The following ADAMTS19 variants were observed in gnomAD, a reference collection of about 807,000 sequenced individuals.
The protein encoded by ADAMTS19 is A disintegrin and metalloproteinase with thrombospondin motifs 19.
ADAMTS19 carries 93 observed loss-of-function variants against 153.3 expected under a neutral mutation model. The observed-to-expected ratio is 0.61, with a 90% confidence interval of 0.51 to 0.72. The LOEUF (loss-of-function observed/expected upper bound fraction) is 0.72. Ranked by LOEUF, ADAMTS19 falls within the 30% of genes least tolerant of loss-of-function variation. The pLI, the probability that ADAMTS19 is intolerant of heterozygous loss-of-function variation, is 0.00. For synonymous variants in ADAMTS19, 600 were observed against 556.6 expected, an observed-to-expected ratio of 1.08 and a Z score of -1.10; for missense variants, 1,482 against 1,552.1, an observed-to-expected ratio of 0.95 and a Z score of 0.76.
intron 16 of ADAMTS19, among the ~76,000 whole-genome samples, chr5:129,676,879 G>A (rs935610726): frequency 4.6e-5 from 7 of 152,134 alleles, no homozygotes; most frequent in African/African-American, 1.7e-4. Flanking sequence ...AATACCAATT[G>A]AATCTAAATG....
At chr5:129,468,447 G>A (rs530456805) in intron 2 of ADAMTS19, among the ~76,000 whole-genome samples, 20 of 152,214 alleles carry the variant, frequency 1.3e-4, no homozygotes, top group African/African-American at 4.1e-4. Context: ...TCTGCCTCCC[G>A]GGTTCAAGCA....
intron 21 of ADAMTS19, among the ~76,000 whole-genome samples, chr5:129,710,312 T>C (rs1756384821): frequency 6.6e-6 from 1 of 152,232 alleles, no homozygotes; most frequent in Non-Finnish European, 1.5e-5. Context: ...TCATTCCTTT[T>C]TATGGCTGCA....
In ADAMTS19 at chr5:129,461,110, T is replaced by G; in HGVS notation, c.100T>G (p.Phe34Val). Residue 34 changes from phenylalanine (F) to valine (V), a missense_variant, in exon 2 of 23, where the codon TTC becomes GTC. Coordinates refer to ENST00000274487, the MANE Select transcript of ADAMTS19 (RefSeq NM_133638.6). The surrounding 1 kb of genome is among the most constrained non-coding windows in gnomAD (Gnocchi z 4.6). ...GTCTGCCCCGCCCGCAGAGCTGCAGTTCGCCCCCGACCGCGAGGAGTGGGA... is the reference window on the plus strand; with the variant it reads ...GTCTGCCCCGCCCGCAGAGCTGCAGGTCGCCCCCGACCGCGAGGAGTGGGA... ...LSNGIVSELQFAPDREEWEVV... is the reference protein window; with the variant it reads ...LSNGIVSELQVAPDREEWEVV... 1 of 1,416,638 alleles carries G rather than the reference T, an allele frequency of 7.1e-7. No homozygotes were observed. Among genetic ancestry groups the G allele is most frequent in the South Asian group, 1.5e-5 (1 of 66,822 alleles). The allele number at this position is 1,416,638 out of a possible 1,614,324, so 87.8% of individuals were successfully genotyped here. A position where few individuals can be genotyped will look rare whatever the true frequency, so the allele number is the denominator to read the frequency against.
chr5:129,562,131 AAT>A (rs1191115869), intron 7 of ADAMTS19, among the ~76,000 whole-genome samples: 1 of 152,180 alleles, frequency 6.6e-6, no homozygotes, highest in Admixed American at 6.5e-5. Context: ...TCAGTGAAAA[AAT>A]GATGCTTCAT....
chr5:129,526,354 T>A lies in ADAMTS19; in HGVS notation c.984T>A (p.Pro328=). ...GGAAACGATATTCATACAAATTACC[T>A]CAAGAATACAACATAGAGACTGTAG... ...GRGKRYSYKL[P]QEYNIETVVV... is the part of the protein sequence containing the mutation. The change falls in exon 4 of 23, where the codon CCT becomes CCA. Residue 328 remains proline, a synonymous_variant. Coordinates refer to ENST00000274487, the MANE Select transcript of ADAMTS19 (RefSeq NM_133638.6). 2 of 1,601,964 alleles carry A rather than the reference T, an allele frequency of 1.2e-6. No homozygotes were observed. The highest frequency in any genetic ancestry group is 2.2e-5 in the South Asian group (2 of 89,140).
At chr5:129,531,540 G>C (rs562015157) in intron 6 of ADAMTS19, among the ~76,000 whole-genome samples, 7 of 152,110 alleles carry the variant, frequency 4.6e-5, no homozygotes, top group Non-Finnish European at 1.0e-4. Flanking sequence ...CACGAGAATT[G>C]CTTGAATCTG....
intron 19 of ADAMTS19, 30 bp from the exon 20 acceptor site, chr5:129,701,358 T>C (rs1167287668): frequency 6.2e-7 from 1 of 1,612,908 alleles, no homozygotes; most frequent in South Asian, 1.1e-5. Flanking sequence ...TCTTTTAACT[T>C]GTTTCCAGTG....
intron 14 of ADAMTS19, among the ~76,000 whole-genome samples, chr5:129,656,966 T>C (rs1331641967): frequency 2.0e-5 from 3 of 152,176 alleles, no homozygotes. Context: ...TCTCCTCAGC[T>C]TTTTCCCCAT....
At chr5:129,724,832 C>T (rs1325986912) in intron 21 of ADAMTS19, among the ~76,000 whole-genome samples, 1 of 152,044 alleles carries the variant, frequency 6.6e-6, no homozygotes, top group Non-Finnish European at 1.5e-5. Flanking sequence ...AGAAGCTGGC[C>T]ACCCCACCCT....
Position 129,654,312 on chromosome 5 carries a change from C to A in ADAMTS19, c.2183C>A (p.Pro728Gln), listed in dbSNP as rs779874325. ...TTATCTACTCTGTATGTAGAAAAAC[C>A]ATGTGCCTTGTTTTGCTCTCCTGTT... The part of the protein sequence containing the change: ...QWQAVLDEEK[P>Q]CALFCSPVGK... Residue 728 changes from proline (P) to glutamine (Q), a missense_variant, in exon 14 of 23, where the codon CCA becomes CAA. Pro to Gln is a moderately conservative substitution (Grantham distance 76, BLOSUM62 -1). Around this residue, in one of 2 missense-constraint regions of ADAMTS19, gnomAD observed 616 missense variants for 724.4 expected, o/e 0.85. Coordinates refer to ENST00000274487, the MANE Select transcript of ADAMTS19 (RefSeq NM_133638.6). The A allele has an allele frequency of 1.9e-6, 3 of 1,607,430 alleles. No individual in the cohort carries two copies. The highest frequency in any genetic ancestry group is 1.1e-5 in the South Asian group (1 of 89,426).
intron 21 of ADAMTS19, among the ~76,000 whole-genome samples, chr5:129,705,416 A>G (rs1363061416): frequency 2.0e-5 from 3 of 152,192 alleles, no homozygotes; most frequent in Non-Finnish European, 4.4e-5. Context: ...ATGGCATTTG[A>G]AATATAAGCT....
intron 2 of ADAMTS19, among the ~76,000 whole-genome samples, chr5:129,494,486 C>T (rs1581005778): frequency 1.3e-5 from 2 of 152,292 alleles, no homozygotes; most frequent in Non-Finnish European, 2.9e-5. Flanking sequence ...TCTCTGTCTA[C>T]AGTCACTTGG....
At chr5:129,507,309 A>T (rs1435217897) in intron 2 of ADAMTS19, among the ~76,000 whole-genome samples, 1 of 152,054 alleles carries the variant, frequency 6.6e-6, no homozygotes, top group East Asian at 1.9e-4. Flanking sequence ...TTTAGCCTAG[A>T]TCAATAATGT....
At chr5:129,620,560 G>T in intron 8 of ADAMTS19, 58 bp from the exon 9 acceptor site, 1 of 1,290,528 alleles carries the variant, frequency 7.7e-7, no homozygotes. Flanking sequence ...GTTATAAAAA[G>T]TTAACAAGTA....
intron 2 of ADAMTS19, among the ~76,000 whole-genome samples, chr5:129,477,492 A>G (rs540400742): frequency 4.6e-5 from 7 of 152,304 alleles, no homozygotes; most frequent in Middle Eastern, 3.4e-3. Flanking sequence ...AAATAAAGCC[A>G]CTGATGTGTA....
At position 129,480,939 on chromosome 5, in the gene ADAMTS19, T is replaced by A. The variant is rs6861178; in HGVS notation, c.747+19182T>A. On this transcript the variant is annotated intron_variant, in intron 2 of 22. Transcript: ENST00000274487. ...ACAAAAACCAAGTAATGAGGAAAAA[T>A]AATTCATTATAAAAGTGCACCAGGA... Among the ~76,000 whole-genome samples, 883 of 151,984 alleles carry A rather than the reference T, an allele frequency of 5.8e-3. 29 individuals are homozygous for A. The East Asian group carries it at 0.088, about 15-fold the overall frequency.
At chr5:129,528,045 A>G (rs1655535117) in intron 5 of ADAMTS19, among the ~76,000 whole-genome samples, 1 of 151,976 alleles carries the variant, frequency 6.6e-6, no homozygotes, top group African/African-American at 2.4e-5. Flanking sequence ...CCTGAAAACA[A>G]ATCTTAACTT....
At chr5:129,528,456 G>T (rs986201775) in intron 5 of ADAMTS19, 64 bp from the exon 6 acceptor site, 22 of 1,271,350 alleles carry the variant, frequency 1.7e-5, no homozygotes, top group Non-Finnish European at 2.1e-5. Flanking sequence ...TATTGTTGTT[G>T]TTGTTGTTGT....
At chr5:129,549,764 A>G (rs1752997594) in intron 6 of ADAMTS19, among the ~76,000 whole-genome samples, 1 of 150,546 alleles carries the variant, frequency 6.6e-6, no homozygotes. Flanking sequence ...CTAATATGCA[A>G]GGAACATTTA....
Sources: allele counts gnomAD v4.1 joint callset (sites outside exome capture counted in the v4.1 genomes callset), GRCh38; gene constraint gnomAD v4.1.1; regional missense constraint gnomAD v4.1.1; non-coding constraint Gnocchi (gnomAD v3.1); transcripts MANE v1.5; gene names NCBI Gene and HGNC (gene_info 2026-07-23, HGNC 2026-07-21).